HS6ST3: variants seen among roughly 807,000 people sequenced by gnomAD.
HS6ST3 encodes heparan-sulfate 6-O-sulfotransferase 3.
Under a neutral mutation model 36.7 loss-of-function variants are expected in HS6ST3, and 12 were observed. That is an observed-to-expected ratio of 0.33 (90% confidence interval 0.21 to 0.53). The LOEUF (loss-of-function observed/expected upper bound fraction) is 0.53. Among genes scored for constraint, HS6ST3 ranks in the 20% least tolerant of loss-of-function variants. The pLI is 0.95. For missense variants in HS6ST3, 584 were observed against 640.9 expected, an observed-to-expected ratio of 0.91 and a Z score of 0.96; for synonymous variants, 240 against 257.5, an observed-to-expected ratio of 0.93 and a Z score of 0.65.
intron 1 of HS6ST3, among the ~76,000 whole-genome samples, chr13:96,163,496 T>C (rs1405019637): frequency 6.6e-6 from 1 of 152,142 alleles, no homozygotes; most frequent in Non-Finnish European, 1.5e-5. Context: ...CCCAAAGTGC[T>C]GGGATTACAG....
intron 1 of HS6ST3, among the ~76,000 whole-genome samples, chr13:96,132,932 C>T (rs138679968): frequency 6.6e-6 from 1 of 151,886 alleles, no homozygotes; most frequent in East Asian, 1.9e-4. Flanking sequence ...TGAGAAATGC[C>T]TCTTCAGACA....
At chr13:96,098,201 A>G (rs2053800753) in intron 1 of HS6ST3, among the ~76,000 whole-genome samples, 2 of 152,208 alleles carry the variant, frequency 1.3e-5, no homozygotes, top group Admixed American at 6.5e-5. Flanking sequence ...TTGCCTCTTG[A>G]AAAGGTTAAT....
At chr13:96,592,533 T>A (rs1277555754) in intron 1 of HS6ST3, among the ~76,000 whole-genome samples, 1 of 152,172 alleles carries the variant, frequency 6.6e-6, no homozygotes, top group Non-Finnish European at 1.5e-5. Flanking sequence ...AGATGATTTC[T>A]TTTGGCTCAT....
At chr13:96,167,608 T>C (rs1296059219) in intron 1 of HS6ST3, among the ~76,000 whole-genome samples, 1 of 152,208 alleles carries the variant, frequency 6.6e-6, no homozygotes, top group Non-Finnish European at 1.5e-5. Flanking sequence ...GCCGTGGTGC[T>C]TTGCAAATAT....
At chr13:96,165,969 AAC>A (rs905503519) in intron 1 of HS6ST3, among the ~76,000 whole-genome samples, 8 of 152,210 alleles carry the variant, frequency 5.3e-5, no homozygotes, top group African/African-American at 1.9e-4. Flanking sequence ...GGGAGACCAG[AAC>A]ACAGTCTGAA....
At chr13:96,689,606 C>CCTTTTT (rs1555318787) in intron 1 of HS6ST3, among the ~76,000 whole-genome samples, 31 of 101,214 alleles carry the variant, frequency 3.1e-4, no homozygotes, top group African/African-American at 1.2e-3. Flanking sequence ...TTCTTTCTTT[C>CCTTTTT]TTTTTTTTTT....
intron 1 of HS6ST3, among the ~76,000 whole-genome samples, chr13:96,322,571 A>G (rs1315527638): frequency 6.6e-6 from 1 of 152,080 alleles, no homozygotes; most frequent in East Asian, 1.9e-4. Context: ...AATAAAATGA[A>G]AAATAAAATA....
At chr13:96,095,171 A>G (rs2053784266) in intron 1 of HS6ST3, among the ~76,000 whole-genome samples, 1 of 152,180 alleles carries the variant, frequency 6.6e-6, no homozygotes, top group African/African-American at 2.4e-5. Flanking sequence ...TTTGCTTACT[A>G]TATATCTTGT....
intron 1 of HS6ST3, among the ~76,000 whole-genome samples, chr13:96,391,391 G>A (rs1395088481): frequency 1.3e-5 from 2 of 152,118 alleles, no homozygotes; most frequent in East Asian, 1.9e-4. Context: ...CAGTACTCAT[G>A]CACTTTCATA....
At chr13:96,216,351 G>T (rs898085126) in intron 1 of HS6ST3, among the ~76,000 whole-genome samples, 1 of 152,232 alleles carries the variant, frequency 6.6e-6, no homozygotes, top group Middle Eastern at 3.4e-3. Flanking sequence ...CACTGAATGG[G>T]TGTGTCATGA....
At chr13:96,179,397 C>T (rs1018107944) in intron 1 of HS6ST3, among the ~76,000 whole-genome samples, 3 of 152,184 alleles carry the variant, frequency 2.0e-5, no homozygotes, top group Non-Finnish European at 4.4e-5. Flanking sequence ...TTTATAATCC[C>T]CACTGAAGTT....
chr13:96,275,260 G>T (rs977011018), intron 1 of HS6ST3, among the ~76,000 whole-genome samples: 1 of 152,166 alleles, frequency 6.6e-6, no homozygotes, highest in East Asian at 1.9e-4. Flanking sequence ...TTTACCCCCT[G>T]CTTCAGAATT....
At chr13:96,738,780 T>C (rs1301186433) in intron 1 of HS6ST3, among the ~76,000 whole-genome samples, 1 of 152,214 alleles carries the variant, frequency 6.6e-6, no homozygotes, top group Non-Finnish European at 1.5e-5. Context: ...CTATCAGCCT[T>C]CAAACTAGCT....
At chr13:96,388,983 C>G (rs2055382388) in intron 1 of HS6ST3, among the ~76,000 whole-genome samples, 1 of 152,166 alleles carries the variant, frequency 6.6e-6, no homozygotes, top group Admixed American at 6.5e-5. Flanking sequence ...ACATACACTA[C>G]TTTTGGCTAC....
chr13:96,516,647 A>G (rs1377182937), intron 1 of HS6ST3, among the ~76,000 whole-genome samples: 1 of 152,194 alleles, frequency 6.6e-6, no homozygotes, highest in African/African-American at 2.4e-5. Flanking sequence ...AACAGCAGAA[A>G]ACTCTTATTG....
At chr13:96,796,785 C>T (rs568449919) in intron 1 of HS6ST3, among the ~76,000 whole-genome samples, 4 of 152,172 alleles carry the variant, frequency 2.6e-5, no homozygotes, top group African/African-American at 7.2e-5. Context: ...TACTGTTTTA[C>T]GCTCATTGTA....
chr13:96,295,667 G>C lies in HS6ST3; in HGVS notation c.707+204098G>C, dbSNP rs540369797. 4.7e-4 allele frequency among the ~76,000 whole-genome samples: 71 copies of C among 152,202 alleles called. No individual in the cohort carries two copies. In the East Asian group the frequency reaches 0.013, roughly 29 times the overall value. On this transcript the variant is annotated intron_variant, in intron 1 of 1. Coordinates refer to ENST00000376705, the MANE Select transcript of HS6ST3 (RefSeq NM_153456.4). Reference sequence around the variant, plus strand: ...GTGTGTCTTATTAAAAGCCTGCCAGGCTTTATTGAACACTGTGTTTATACT... The same window carrying C: ...GTGTGTCTTATTAAAAGCCTGCCAGCCTTTATTGAACACTGTGTTTATACT...
intron 1 of HS6ST3, among the ~76,000 whole-genome samples, chr13:96,349,009 A>G (rs555487709): frequency 3.0e-4 from 45 of 152,336 alleles, no homozygotes; most frequent in African/African-American, 1.1e-3. Flanking sequence ...TTTCATGCCA[A>G]TTTGTATCCT....
intron 1 of HS6ST3, among the ~76,000 whole-genome samples, chr13:96,596,092 A>C (rs2056400445): frequency 6.6e-6 from 1 of 151,904 alleles, no homozygotes; most frequent in Non-Finnish European, 1.5e-5. Context: ...TCCTTCACTC[A>C]CCTTCCACCC....
Sources: allele counts gnomAD v4.1 joint callset (sites outside exome capture counted in the v4.1 genomes callset), GRCh38; gene constraint gnomAD v4.1.1; transcripts MANE v1.5; gene names NCBI Gene and HGNC (gene_info 2026-07-23, HGNC 2026-07-21).